Variants in KLC4 observed in about 807,000 individuals in gnomAD.
KLC4 encodes the protein kinesin-like protein 8.
A neutral mutation model predicts 77.2 loss-of-function variants in KLC4; 49 were observed. The ratio of observed to expected loss-of-function variants is 0.63; its 90% CI spans 0.50 to 0.80. The LOEUF is 0.80. Ranked by LOEUF, KLC4 falls within the 30% of genes least tolerant of loss-of-function variation. The pLI, the probability that KLC4 is intolerant of heterozygous loss-of-function variation, is 0.00. For missense variants in KLC4, 669 were observed against 793.5 expected (o/e 0.84, Z 1.89); for synonymous variants, 274 against 314.5 (o/e 0.87, Z 1.36).
intron 6 of KLC4, among the ~76,000 whole-genome samples, chr6:43,069,000 C>T (rs567407890): frequency 1.4e-4 from 21 of 151,954 alleles, no homozygotes; most frequent in Non-Finnish European, 2.5e-4. Context: ...CCCAGGTACT[C>T]GGGAGGCTGA....
At position 43,070,377 on chromosome 6, in the gene KLC4, G is replaced by A. The variant is rs536770502; in HGVS notation, c.903G>A (p.Leu301=). 1.5e-5 allele frequency: 25 copies of A among 1,614,054 alleles called. No individual in the cohort carries two copies. The East Asian group carries it at 5.3e-4, about 35-fold the overall frequency. ...AGGTGGCTGCCACACTCAACAATTT[G>A]GCTGTGCTCTATGGCAAAAGGGGCA... ...HPAVAATLNN[L]AVLYGKRGKY... Residue 301 remains leucine, a synonymous_variant, in exon 7 of 16, where the codon TTG becomes TTA. Coordinates refer to ENST00000347162, the MANE Select transcript of KLC4 (RefSeq NM_201521.3).
In KLC4 at chr6:43,065,664, C is replaced by T; in HGVS notation, c.534C>T (p.Leu178=). 23 of 1,614,000 alleles carry T rather than the reference C, an allele frequency of 1.4e-5. No individual in the cohort carries two copies. Among genetic ancestry groups the T allele is most frequent in the Non-Finnish European group, 1.9e-5 (23 of 1,179,912 alleles). Residue 178 remains leucine (L), a synonymous_variant, in exon 4 of 16, where the codon CTC becomes CTT. Coordinates refer to ENST00000347162, the MANE Select transcript of KLC4 (RefSeq NM_201521.3). The stretch of plus-strand genomic sequence containing the variant: ...CCACCAAGGATTCCCTGGATGACCT[C>T]TTTCCTAATGAGGAGGAAGAGGACC... ...GDATKDSLDD[L]FPNEEEEDPS... is the part of the protein sequence containing the mutation.
In KLC4 at chr6:43,070,432, C is replaced by T. The variant is rs765504507; in HGVS notation, c.958C>T (p.Arg320Trp). 16 of 1,613,522 alleles carry T rather than the reference C, an allele frequency of 9.9e-6. No homozygotes were observed. The highest frequency in any genetic ancestry group is 2.2e-5 in the South Asian group (2 of 91,080). Residue 320 changes from arginine to tryptophan, a missense_variant, in exon 7 of 16, where the codon CGG becomes TGG. Transcript: ENST00000347162. ...CAAGGAGGCAGAGCCTCTGTGCCAG[C>T]GGGCACTGGAGATTCGAGAAAAGGT... ...KYKEAEPLCQ[R>W]ALEIREKVLG...
In KLC4 at chr6:43,064,135, G is replaced by A. The variant is rs1311950716; in HGVS notation, c.489+988G>A. Among the ~76,000 whole-genome samples the A allele has an allele frequency of 3.3e-5, 5 of 152,352 alleles. No homozygotes were observed. The East Asian group carries it at 9.6e-4, about 29-fold the overall frequency. Reference sequence around the variant, plus strand: ...TTACAGGCGTGAGCCACCACGCCTGGCTGAGAGTGTGTGTTTTCTTGAGAT... The same window carrying A: ...TTACAGGCGTGAGCCACCACGCCTGACTGAGAGTGTGTGTTTTCTTGAGAT... On this transcript the variant is annotated intron_variant, in intron 3 of 15. Transcript: ENST00000347162.
At chr6:43,072,335 C>T in intron 12 of KLC4, 80 bp downstream of exon 12, 1 of 1,059,994 alleles carries the variant, frequency 9.4e-7, no homozygotes, top group Non-Finnish European at 1.4e-6. Context: ...TTGGGAGTCT[C>T]CTAAGAATAA....
intron 3 of KLC4, among the ~76,000 whole-genome samples, chr6:43,064,126 C>T (rs935601600): frequency 1.1e-4 from 17 of 152,354 alleles, no homozygotes; most frequent in Admixed American, 3.3e-4. Context: ...GCGTGAGCCA[C>T]CACGCCTGGC....
At position 43,075,064 on chromosome 6, in the gene KLC4, T is replaced by C; in HGVS notation, c.*392T>C. On this transcript the variant is annotated 3_prime_UTR_variant, in exon 16 of 16. Transcript: ENST00000347162. ...CTCACTTCAGGTCCATGTATTTCACTTTTCTTAAATAAAAGAATCAGGTAA... is the reference window on the plus strand; with the variant it reads ...CTCACTTCAGGTCCATGTATTTCACCTTTCTTAAATAAAAGAATCAGGTAA... 1 of 200,208 alleles carries C rather than the reference T, an allele frequency of 5.0e-6. No individual in the cohort carries two copies. Among genetic ancestry groups the C allele is most frequent in the Non-Finnish European group, 1.0e-5 (1 of 98,166 alleles). 12.4% of individuals were successfully genotyped at this position (200,208 alleles called of 1,614,324 possible). A position where few individuals can be genotyped will look rare whatever the true frequency, so the allele number is the denominator to read the frequency against.
At chr6:43,061,240 A>G in intron 1 of KLC4, 71 bp from the exon 2 acceptor site, 1 of 1,493,298 alleles carries the variant, frequency 6.7e-7, no homozygotes, top group Non-Finnish European at 9.1e-7. Context: ...GATTCCCACC[A>G]CTCTCTGAGA....
chr6:43,073,052 T>C, intron 13 of KLC4, 88 bp downstream of exon 13: 1 of 1,483,142 alleles, frequency 6.7e-7, no homozygotes, highest in South Asian at 1.3e-5. Flanking sequence ...CCAGTCTAGG[T>C]AGTGTATTCC....
chr6:43,073,105 T>C (rs1765809759), intron 13 of KLC4, 118 bp from the exon 14 acceptor site: 2 of 1,332,024 alleles, frequency 1.5e-6, no homozygotes, highest in Admixed American at 2.3e-5. Flanking sequence ...AGGACTTTTA[T>C]TTCCAGTCAC....
intron 1 of KLC4, chr6:43,060,310 C>T (rs1483214692): frequency 6.2e-7 from 1 of 1,612,204 alleles, no homozygotes; most frequent in Admixed American, 1.7e-5. Flanking sequence ...TCTCTCATTC[C>T]CTTCCTGGGA....
At position 43,067,021 on chromosome 6, in the gene KLC4, G is replaced by A. The variant is rs141222869; in HGVS notation, c.817G>A (p.Ala273Thr). ...TGACCAGAATAAGTATAAGGAAGCT[G>A]CCCACCTGCTGAATGATGCCCTTAG... Reference protein sequence around the residue: ...YRDQNKYKEAAHLLNDALSIR... With the variant: ...YRDQNKYKEATHLLNDALSIR... The change falls in exon 6 of 16, where the codon GCC becomes ACC. Residue 273 changes from alanine to threonine, a missense_variant. By Grantham distance (58) the Ala-to-Thr change is moderately conservative. Transcript: ENST00000347162. The A allele has an allele frequency of 2.5e-6, 4 of 1,613,864 alleles. No homozygotes were observed. The highest frequency in any genetic ancestry group is 3.4e-6 in the Non-Finnish European group (4 of 1,179,838).
In KLC4 at chr6:43,065,388, C is replaced by T. The variant is rs1279948879; in HGVS notation, c.490-232C>T. ...CACACCCGGCCAGGAAGGAAACTTT[C>T]TGTATGAGAAGGAGGGGAAGTCTTG... On this transcript the variant is annotated intron_variant, in intron 3 of 15. Transcript: ENST00000347162. The T allele has an allele frequency of 1.1e-5, 5 of 459,464 alleles. No homozygotes were observed. In the Admixed American group the frequency reaches 1.7e-4, roughly 16 times the overall value. The allele number at this position is 459,464 out of a possible 1,614,324, so 28.5% of individuals were successfully genotyped here. A position where few individuals can be genotyped will look rare whatever the true frequency, so the allele number is the denominator to read the frequency against.
chr6:43,073,125 G>C (rs878974328), intron 13 of KLC4, 98 bp from the exon 14 acceptor site: 20 of 1,315,882 alleles, frequency 1.5e-5, no homozygotes, highest in Middle Eastern at 1.9e-4. Flanking sequence ...CTGGGCCTTG[G>C]GGGTGGGGGA....
chr6:43,071,439 G>A (rs1283564054), intron 9 of KLC4, 65 bp downstream of exon 9: 3 of 1,549,758 alleles, frequency 1.9e-6, no homozygotes, highest in Non-Finnish European at 2.7e-6. Flanking sequence ...AAAGGTCGGG[G>A]GTTAGGCCAC....
chr6:43,071,532 A>G, intron 9 of KLC4, 35 bp from the exon 10 acceptor site: 1 of 1,606,462 alleles, frequency 6.2e-7, no homozygotes, highest in Non-Finnish European at 8.5e-7. Flanking sequence ...TCTAGCTCCC[A>G]TCTCTAACCT....
intron 3 of KLC4, among the ~76,000 whole-genome samples, chr6:43,064,291 T>C (rs748200251): frequency 7.9e-5 from 12 of 152,204 alleles, no homozygotes; most frequent in Non-Finnish European, 1.8e-4. Flanking sequence ...CTCTGAGGGC[T>C]GGAATGGTCT....
rs1471371554 is a variant in KLC4 at position 43,070,445 on chromosome 6, T to C, written c.971T>C (p.Ile324Thr). The change falls in exon 7 of 16, where the codon ATT (isoleucine) becomes ACT (threonine). Residue 324 changes from isoleucine (I) to threonine (T), a missense_variant. Physicochemically the swap from Ile to Thr is moderately conservative, Grantham distance 89. Coordinates refer to ENST00000347162, the MANE Select transcript of KLC4 (RefSeq NM_201521.3). ...CCTCTGTGCCAGCGGGCACTGGAGA[T>C]TCGAGAAAAGGTACCCATGCCCTCT... The part of the protein sequence containing the change: ...AEPLCQRALE[I>T]REKVLGTNHP... The C allele has an allele frequency of 6.2e-7, 1 of 1,612,770 alleles. No individual in the cohort carries two copies. Among genetic ancestry groups the C allele is most frequent in the South Asian group, 1.1e-5 (1 of 91,048 alleles).
rs200476752 is a variant in KLC4 at position 43,072,129 on chromosome 6, G to T, written c.1380-18G>T. The stretch of plus-strand genomic sequence containing the variant: ...GAACTCATTCTCTCTTCCTTCTCTG[G>T]TCTCTTTCTCACCACAGCCCCACAG... On this transcript the variant is annotated intron_variant, in intron 11 of 15. Coordinates refer to ENST00000347162, the MANE Select transcript of KLC4 (RefSeq NM_201521.3). 1 of 1,593,448 alleles carries T rather than the reference G, an allele frequency of 6.3e-7. No individual in the cohort carries two copies. The highest frequency in any genetic ancestry group is 1.1e-5 in the South Asian group (1 of 90,592).
Sources: allele counts gnomAD v4.1 joint callset (sites outside exome capture counted in the v4.1 genomes callset), GRCh38; gene constraint gnomAD v4.1.1; transcripts MANE v1.5; gene names NCBI Gene and HGNC (gene_info 2026-07-23, HGNC 2026-07-21).